ASPG: variants seen among roughly 807,000 people sequenced by gnomAD.
ASPG encodes the protein asparaginase.
ASPG carries 53 observed loss-of-function variants against 63.2 expected under a neutral mutation model. The ratio of observed to expected loss-of-function variants is 0.84; its 90% CI spans 0.67 to 1.05. The LOEUF (loss-of-function observed/expected upper bound fraction) is 1.05, where lower values mean the gene tolerates loss of function less well. Ranked by LOEUF, ASPG falls within the 50% of genes least tolerant of loss-of-function variation. The pLI is 0.00. For synonymous variants in ASPG, 370 were observed against 355.0 expected (o/e 1.04, Z -0.48); for missense variants, 741 against 794.4 (o/e 0.93, Z 0.81).
At chr14:104,098,155 G>C (rs375600280) in intron 5 of ASPG, among the ~76,000 whole-genome samples, 1,860 of 104,486 alleles carry the variant, frequency 0.018, no homozygotes, top group Middle Eastern at 0.022. Context: ...GAGGTTCTGC[G>C]TTAGAGATAC....
At chr14:104,108,629 G>A (rs945004364) in intron 12 of ASPG, 37 of 985,316 alleles carry the variant, frequency 3.8e-5, no homozygotes, top group Non-Finnish European at 4.5e-5. Flanking sequence ...TGTACAATGG[G>A]CTGTGTGGCC....
intron 13 of ASPG, 140 bp from the exon 14 acceptor site, chr14:104,111,362 C>G (rs1175798627): frequency 3.9e-6 from 4 of 1,020,510 alleles, no homozygotes; most frequent in Non-Finnish European, 5.7e-6. Context: ...TGACTCCTGC[C>G]CCAGGACCAG....
intron 1 of ASPG, among the ~76,000 whole-genome samples, chr14:104,087,900 A>AGTGTG: frequency 7.2e-5 from 11 of 152,278 alleles, no homozygotes; most frequent in African/African-American, 2.6e-4. Context: ...AGAGACTTGG[A>AGTGTG]GGCTGGAAAT....
At chr14:104,093,433 A>G in intron 2 of ASPG, 58 bp from the exon 3 acceptor site, 1 of 1,443,960 alleles carries the variant, frequency 6.9e-7, no homozygotes, top group Non-Finnish European at 9.7e-7. Flanking sequence ...CATTTAGAGC[A>G]GGAGGAGGTG....
At position 104,112,009 on chromosome 14, in the gene ASPG, C is replaced by T; in HGVS notation, c.1701+9C>T. 6.4e-7 allele frequency: 1 copy of T among 1,551,142 alleles called. No homozygotes were observed. The highest frequency in any genetic ancestry group is 1.2e-5 in the South Asian group (1 of 83,938). On this transcript the variant is annotated intron_variant, in intron 15 of 15. Transcript: ENST00000551177. Reference sequence around the variant, plus strand: ...CCCAGGCCCCATGCCCAGTAAGTCCCCACCCCAGGCGGGGCTGACACCCCC... The same window carrying T: ...CCCAGGCCCCATGCCCAGTAAGTCCTCACCCCAGGCGGGGCTGACACCCCC...
intron 2 of ASPG, chr14:104,093,063 C>A (rs2140984539): frequency 2.1e-6 from 1 of 473,204 alleles, no homozygotes; most frequent in South Asian, 2.7e-5. Flanking sequence ...GGTGGCCTTG[C>A]CCCCAGCATA....
chr14:104,113,699 C>T lies in ASPG; in HGVS notation c.*1155C>T, dbSNP rs1326952896. 6.6e-6 allele frequency: 1 copy of T among 152,390 alleles called. No homozygotes were observed. The highest frequency in any genetic ancestry group is 1.5e-5 in the Non-Finnish European group (1 of 68,152). The allele number at this position is 152,390 out of a possible 1,614,324, so 9.4% of individuals were successfully genotyped here. ...TTGGCACCTGGGCATACCCCAGGCT[C>T]CTCAGCCTGGTTCCCAAGCCTGGCT... is the stretch of plus-strand genomic sequence containing the variant. On this transcript the variant is annotated 3_prime_UTR_variant, in exon 16 of 16. Coordinates refer to ENST00000551177, the MANE Select transcript of ASPG (RefSeq NM_001080464.3).
rs1452480728 is a variant in ASPG at position 104,091,164 on chromosome 14, C to CCTGGGATGCGGACAT, written c.83-1466_83-1452dup. Among the ~76,000 whole-genome samples, 1 of 151,504 alleles carries CCTGGGATGCGGACAT rather than the reference C, an allele frequency of 6.6e-6. No homozygotes were observed. Among genetic ancestry groups the CCTGGGATGCGGACAT allele is most frequent in the Non-Finnish European group, 1.5e-5 (1 of 67,918 alleles). On this transcript the variant is annotated intron_variant, in intron 1 of 15. Coordinates refer to ENST00000551177, the MANE Select transcript of ASPG (RefSeq NM_001080464.3). The surrounding 1 kb of genome is among the most constrained non-coding windows in gnomAD (Gnocchi z 6.4). ...CCAGGCCTGAGGCACTGCGCCCGGCCCTGGGATGCGGACATCTAGGATGCT... is the reference window on the plus strand; with the variant it reads ...CCAGGCCTGAGGCACTGCGCCCGGCCCTGGGATGCGGACATCTGGGATGCGGACATCTAGGATGCT...
Position 104,109,254 on chromosome 14 carries a change from C to T in ASPG, c.1459C>T (p.Arg487Trp), listed in dbSNP as rs538288589. ...GRHPGVIGLL[R>W]EAGASLSTQE... Reference sequence around the variant, plus strand: ...GCATCCGGGTGTCATTGGGTTGCTGCGGGAAGCCGGGGCCTCCCTGTCCAC... The same window carrying T: ...GCATCCGGGTGTCATTGGGTTGCTGTGGGAAGCCGGGGCCTCCCTGTCCAC... The change falls in exon 13 of 16, where the codon CGG becomes TGG. Residue 487 changes from arginine (R) to tryptophan (W), a missense_variant. Coordinates refer to ENST00000551177, the MANE Select transcript of ASPG (RefSeq NM_001080464.3). This position sits in a 1 kb window ranked among gnomAD's most constrained non-coding sequence, Gnocchi z 4.8. 7.4e-6 allele frequency: 12 copies of T among 1,613,196 alleles called. No individual in the cohort carries two copies. Among genetic ancestry groups the T allele is most frequent in the African/African-American group, 4.0e-5 (3 of 75,026 alleles).
Position 104,086,040 on chromosome 14 carries a change from A to T in ASPG, c.82+188A>T, listed in dbSNP as rs182361284. On this transcript the variant is annotated intron_variant, in intron 1 of 15. Coordinates refer to ENST00000551177, the MANE Select transcript of ASPG (RefSeq NM_001080464.3). ...ACGCATGGAGCCCCGACCTGGACAG[A>T]GGAGATTGCGGTGGGTTCTCGCCGT... Among the ~76,000 whole-genome samples the T allele has an allele frequency of 9.9e-5, 15 of 152,152 alleles. No homozygotes were observed. The East Asian group carries it at 2.5e-3, about 26-fold the overall frequency.
intron 6 of ASPG, 26 bp downstream of exon 6, chr14:104,099,005 G>A (rs753960445): frequency 9.5e-5 from 148 of 1,563,274 alleles, no homozygotes; most frequent in Middle Eastern, 2.0e-4. Context: ...GCAGGGCCAG[G>A]TGCCTGCCCA....
chr14:104,108,713 C>T lies in ASPG; in HGVS notation c.1434-516C>T, dbSNP rs571418984. Reference sequence around the variant, plus strand: ...CCCCACCCCCACAGACTCCACTGTCCGGGTGCCCTGCCCCCACTCCTACCC... The same window carrying T: ...CCCCACCCCCACAGACTCCACTGTCTGGGTGCCCTGCCCCCACTCCTACCC... On this transcript the variant is annotated intron_variant, in intron 12 of 15. Transcript: ENST00000551177. 125 of 985,426 alleles carry T rather than the reference C, an allele frequency of 1.3e-4. No individual in the cohort carries two copies. In the Middle Eastern group the frequency reaches 4.2e-3, roughly 33 times the overall value. 61.0% of individuals were successfully genotyped at this position (985,426 alleles called of 1,614,324 possible).
At chr14:104,088,509 C>G (rs1566821865) in intron 1 of ASPG, among the ~76,000 whole-genome samples, 3 of 152,182 alleles carry the variant, frequency 2.0e-5, no homozygotes, top group African/African-American at 7.2e-5. Context: ...ACTGGGAACC[C>G]CACCTGCTTG....
At chr14:104,092,890 C>A in intron 2 of ASPG, 149 bp downstream of exon 2, 1 of 651,006 alleles carries the variant, frequency 1.5e-6, no homozygotes, top group Non-Finnish European at 2.6e-6. Flanking sequence ...TTAGGACTGA[C>A]CAGCAGTCGC....
chr14:104,091,865 G>C lies in ASPG; in HGVS notation c.83-768G>C, dbSNP rs975976361. On this transcript the variant is annotated intron_variant, in intron 1 of 15. Coordinates refer to ENST00000551177, the MANE Select transcript of ASPG (RefSeq NM_001080464.3). This position sits in a 1 kb window ranked among gnomAD's most constrained non-coding sequence, Gnocchi z 6.4. ...GGGACTTGCTGGAGGCCCTGGAGGGGTGGCTGAGGGGTCAGGGCTTTATAC... is the reference window on the plus strand; with the variant it reads ...GGGACTTGCTGGAGGCCCTGGAGGGCTGGCTGAGGGGTCAGGGCTTTATAC... Among the ~76,000 whole-genome samples the C allele has an allele frequency of 5.3e-5, 8 of 152,116 alleles. No homozygotes were observed. The highest frequency in any genetic ancestry group is 1.9e-4 in the African/African-American group (8 of 41,488).
Position 104,110,584 on chromosome 14 carries a change from C to CTTGG in ASPG, c.1521-917_1521-914dup, listed in dbSNP as rs2037343212. 3 of 985,134 alleles carry CTTGG rather than the reference C, an allele frequency of 3.0e-6. No individual in the cohort carries two copies. The African/African-American group carries it at 5.2e-5, about 17-fold the overall frequency. The allele number at this position is 985,134 out of a possible 1,614,324, so 61.0% of individuals were successfully genotyped here. On this transcript the variant is annotated intron_variant, in intron 13 of 15. Coordinates refer to ENST00000551177, the MANE Select transcript of ASPG (RefSeq NM_001080464.3). The surrounding 1 kb of genome is among the most constrained non-coding windows in gnomAD (Gnocchi z 4.7). ...CCTAGGGGCCGGTGTGTGTGTGGGG[C>CTTGG]TTGGCCTCTTGGAGCAGGTCCAGGA...
intron 1 of ASPG, among the ~76,000 whole-genome samples, chr14:104,092,213 G>A (rs547540572): frequency 6.6e-6 from 1 of 152,198 alleles, no homozygotes; most frequent in African/African-American, 2.4e-5. Context: ...CCTACTGGGT[G>A]AGAAGTGGGG....
At chr14:104,112,481 C>A in intron 15 of ASPG, 43 bp from the exon 16 acceptor site, 1 of 1,125,068 alleles carries the variant, frequency 8.9e-7, no homozygotes, top group Non-Finnish European at 1.4e-6. Context: ...CCTGCCTTCG[C>A]ACTCTACCTG....
intron 1 of ASPG, among the ~76,000 whole-genome samples, chr14:104,090,850 C>T (rs1357384727): frequency 6.6e-6 from 1 of 152,114 alleles, no homozygotes; most frequent in Non-Finnish European, 1.5e-5. Flanking sequence ...GGGATGTGGA[C>T]ATCTTTTTAA....
Sources: gnomAD v4.1 joint callset for allele counts (sites outside exome capture counted in the v4.1 genomes callset) on GRCh38, gnomAD v4.1.1 for gene constraint, Gnocchi (gnomAD v3.1) non-coding constraint, MANE v1.5 for transcripts, NCBI Gene and HGNC (gene_info 2026-07-23, HGNC 2026-07-21) for gene names.